Variants in LAMA3 observed in about 807,000 individuals in gnomAD.
LAMA3 encodes laminin subunit alpha-3.
LAMA3 carries 281 observed loss-of-function variants against 402.0 expected under a neutral mutation model. The observed-to-expected ratio is 0.70, with a 90% CI of 0.63 to 0.77. The LOEUF (loss-of-function observed/expected upper bound fraction) is 0.77. Among genes scored for constraint, LAMA3 ranks in the 30% least tolerant of loss-of-function variants. The pLI is 0.00. For missense variants in LAMA3, 3,840 were observed against 4,215.5 expected (o/e 0.91, Z 2.47); for synonymous variants, 1,431 against 1,558.4 (o/e 0.92, Z 1.93).
intron 44 of LAMA3, 169 bp from the exon 45 acceptor site, chr18:23,898,569 A>T (rs144820641): frequency 1.6e-6 from 1 of 632,724 alleles, no homozygotes; most frequent in African/African-American, 1.8e-5. Context: ...CACAATGTAC[A>T]TCAGAAAATA....
chr18:23,941,866 A>G (rs973926221), intron 68 of LAMA3, among the ~76,000 whole-genome samples: 36 of 152,200 alleles, frequency 2.4e-4, no homozygotes, highest in Non-Finnish European at 2.9e-4. Context: ...TGGAAAGTAC[A>G]TTCTATTCTG....
intron 1 of LAMA3, among the ~76,000 whole-genome samples, chr18:23,702,362 G>T (rs1346129606): frequency 6.6e-6 from 1 of 152,146 alleles, no homozygotes. Flanking sequence ...ACAGCGTCTT[G>T]CTTTGTTGCC....
chr18:23,888,938 T>TAAA (rs5823406), intron 41 of LAMA3, among the ~76,000 whole-genome samples: 1,611 of 145,800 alleles, frequency 0.011, 12 homozygotes, highest in African/African-American at 0.019. Flanking sequence ...TATTTGACTT[T>TAAA]AAAAAAAAAA....
intron 39 of LAMA3, 45 bp from the exon 40 acceptor site, chr18:23,881,891 G>C: frequency 1.7e-6 from 2 of 1,203,684 alleles, no homozygotes; most frequent in Non-Finnish European, 2.5e-6. Flanking sequence ...TCAGAAGTAG[G>C]GACTGTACTG....
intron 23 of LAMA3, 104 bp from the exon 24 acceptor site, chr18:23,833,724 C>T (rs1209897940): frequency 2.4e-6 from 3 of 1,275,322 alleles, no homozygotes; most frequent in African/African-American, 2.9e-5. Flanking sequence ...TATAAAAATA[C>T]TTCCAGGGTG....
chr18:23,899,483 C>T lies in LAMA3; in HGVS notation c.6004+28C>T, dbSNP rs752010489. ...AAGAATGCTCCCAAATTCTTGCATC[C>T]AGTCCATTCTAATTGATTTGAAACA... is the stretch of plus-strand genomic sequence containing the variant. On this transcript the variant is annotated intron_variant, in intron 47 of 74. Coordinates refer to ENST00000313654, the MANE Select transcript of LAMA3 (RefSeq NM_198129.4). 3 of 1,609,250 alleles carry T rather than the reference C, an allele frequency of 1.9e-6. No homozygotes were observed. In the South Asian group the frequency reaches 3.3e-5, roughly 18 times the overall value.
chr18:23,857,851 C>A lies in LAMA3; in HGVS notation c.4144C>A (p.Pro1382Thr). ...CCTTTACTTTGTGTACAGATGCAAG[C>A]CCAGAATCACAGGGCGGCAGTGTGA... Reference protein sequence around the residue: ...DRDSGQCRCKPRITGRQCDRC... With the variant: ...DRDSGQCRCKTRITGRQCDRC... Residue 1382 changes from proline (P) to threonine (T), a missense_variant, in exon 33 of 75, where the codon CCC becomes ACC. By Grantham distance (38) the Pro-to-Thr change is conservative (BLOSUM62 -1). Coordinates refer to ENST00000313654, the MANE Select transcript of LAMA3 (RefSeq NM_198129.4). 2.5e-6 allele frequency: 4 copies of A among 1,614,230 alleles called. No individual in the cohort carries two copies. The highest frequency in any genetic ancestry group is 3.4e-6 in the Non-Finnish European group (4 of 1,180,048).
intron 52 of LAMA3, among the ~76,000 whole-genome samples, chr18:23,905,957 G>A (rs1296941303): frequency 6.6e-6 from 1 of 151,940 alleles, no homozygotes; most frequent in Non-Finnish European, 1.5e-5. Flanking sequence ...TAGAGGCAAG[G>A]TCTTGCTATG....
At chr18:23,820,037 T>C (rs1235512676) in intron 19 of LAMA3, 40 bp downstream of exon 19, 1 of 1,607,278 alleles carries the variant, frequency 6.2e-7, no homozygotes, top group Non-Finnish European at 8.5e-7. Context: ...GCTGAGTAGC[T>C]CAGATACTTC....
intron 12 of LAMA3, among the ~76,000 whole-genome samples, chr18:23,799,552 A>G (rs111751522): frequency 1.3e-5 from 2 of 152,190 alleles, no homozygotes; most frequent in South Asian, 2.1e-4. Context: ...TCCTAAGGCC[A>G]GTGTCTGTGT....
chr18:23,842,403 G>A lies in LAMA3; in HGVS notation c.3345G>A (p.Val1115=), dbSNP rs757499667. ...CTCTTTTTTCCTCTTAGAATCAAGT[G>A]ACCCTGAGAGGACGTGTACCACACC... ...GVTLKAPQNQ[V]TLRGRVPHLG... The change falls in exon 28 of 75, where the codon GTG becomes GTA. Residue 1115 remains valine, a synonymous_variant. Transcript: ENST00000313654. 3 of 1,613,876 alleles carry A rather than the reference G, an allele frequency of 1.9e-6. No homozygotes were observed. Among genetic ancestry groups the A allele is most frequent in the Non-Finnish European group, 2.5e-6 (3 of 1,180,004 alleles).
Position 23,763,445 on chromosome 18 carries a change from T to C in LAMA3, c.1104T>C (p.Asp368=), listed in dbSNP as rs1413524256. The change falls in exon 8 of 75, where the codon GAT becomes GAC. Residue 368 remains aspartate, a synonymous_variant. Transcript: ENST00000313654. ...GCCATGCCAGCAACTGTTACTATGA[T>C]CCAGATGTTGAGCGGCAGCAGGCAA... is the stretch of plus-strand genomic sequence containing the variant. ...CHGHASNCYY[D]PDVERQQASL... The C allele has an allele frequency of 6.2e-7, 1 of 1,614,108 alleles. No individual in the cohort carries two copies. Among genetic ancestry groups the C allele is most frequent in the Admixed American group, 1.7e-5 (1 of 60,014 alleles).
At chr18:23,781,870 A>G (rs2062444899) in intron 11 of LAMA3, among the ~76,000 whole-genome samples, 1 of 152,218 alleles carries the variant, frequency 6.6e-6, no homozygotes, top group African/African-American at 2.4e-5. Context: ...TCAGTATGCT[A>G]AAATGGCATA....
chr18:23,894,013 CAGTT>C (rs1038083645), intron 42 of LAMA3, among the ~76,000 whole-genome samples: 10 of 152,102 alleles, frequency 6.6e-5, no homozygotes, highest in African/African-American at 2.4e-4. Context: ...GCCACAAAAG[CAGTT>C]CCTGCAGCGA....
intron 2 of LAMA3, among the ~76,000 whole-genome samples, chr18:23,742,263 G>T (rs1297435204): frequency 6.6e-6 from 1 of 152,160 alleles, no homozygotes; most frequent in Non-Finnish European, 1.5e-5. Flanking sequence ...GGGACATTTT[G>T]GACTGTTCAA....
At chr18:23,821,847 T>C (rs1299305066) in intron 19 of LAMA3, among the ~76,000 whole-genome samples, 1 of 152,184 alleles carries the variant, frequency 6.6e-6, no homozygotes, top group African/African-American at 2.4e-5. Context: ...CAGTCTCTCT[T>C]TGGTGGTGTG....
At chr18:23,810,678 G>A (rs555150443) in intron 13 of LAMA3, among the ~76,000 whole-genome samples, 175 bp downstream of exon 13, 10 of 152,106 alleles carry the variant, frequency 6.6e-5, no homozygotes, top group African/African-American at 1.9e-4. Flanking sequence ...TTGAAAACAC[G>A]TATATCATAT....
intron 38 of LAMA3, 111 bp downstream of exon 38, chr18:23,871,772 T>C: frequency 2.4e-6 from 2 of 830,658 alleles, no homozygotes; most frequent in Non-Finnish European, 4.0e-6. Context: ...TGTTTCTCTG[T>C]TCAAGTTTCT....
At chr18:23,822,120 AGTGT>A in intron 19 of LAMA3, 128 bp from the exon 20 acceptor site, 1 of 895,586 alleles carries the variant, frequency 1.1e-6, no homozygotes, top group Non-Finnish European at 1.8e-6. Flanking sequence ...ACTGAGTGTG[AGTGT>A]GTATGTGTGT....
Sources: gnomAD v4.1 joint callset for allele counts (sites outside exome capture counted in the v4.1 genomes callset) on GRCh38, gnomAD v4.1.1 for gene constraint, MANE v1.5 for transcripts, NCBI Gene and HGNC (gene_info 2026-07-23, HGNC 2026-07-21) for gene names.